Variants in TBC1D5 observed in about 807,000 individuals in gnomAD.
TBC1D5 encodes the protein TBC1 domain family, member 5.
A neutral mutation model predicts 100.3 loss-of-function variants in TBC1D5; 75 were observed. The observed-to-expected ratio is 0.75, with a 90% CI of 0.62 to 0.91. TBC1D5 has a LOEUF of 0.91. TBC1D5 is among the 40% of genes least tolerant of loss of function. The pLI is 0.00. For missense variants in TBC1D5, 910 were observed against 942.4 expected (o/e 0.97, Z 0.45); for synonymous variants, 323 against 325.6 (o/e 0.99, Z 0.09).
chr3:17,161,458 GC>G (rs2066045799), intron 21 of TBC1D5, among the ~76,000 whole-genome samples: 1 of 152,226 alleles, frequency 6.6e-6, no homozygotes, highest in Non-Finnish European at 1.5e-5. Flanking sequence ...CATCTTGTGA[GC>G]CCCTCTGAAG....
At chr3:17,706,207 C>T (rs1032827559) in intron 1 of TBC1D5, 4 of 1,551,090 alleles carry the variant, frequency 2.6e-6, no homozygotes, top group East Asian at 2.4e-5. Flanking sequence ...GGCATCGCGG[C>T]GAGGCCCAGG....
intron 12 of TBC1D5, among the ~76,000 whole-genome samples, chr3:17,373,143 T>C (rs775082325): frequency 2.6e-5 from 4 of 152,190 alleles, no homozygotes; most frequent in Admixed American, 6.5e-5. Flanking sequence ...CATTTAAAAA[T>C]GTTAAAAACC....
At chr3:17,399,434 G>T (rs1420256728) in intron 8 of TBC1D5, among the ~76,000 whole-genome samples, 2 of 152,168 alleles carry the variant, frequency 1.3e-5, no homozygotes, top group Non-Finnish European at 2.9e-5. Context: ...TACACATAAT[G>T]ATCCCCTAAT....
At chr3:17,719,009 C>T (rs2075470119) in intron 1 of TBC1D5, among the ~76,000 whole-genome samples, 1 of 152,116 alleles carries the variant, frequency 6.6e-6, no homozygotes, top group African/African-American at 2.4e-5. Flanking sequence ...TCAATAATTC[C>T]TTGGTATCAT....
chr3:17,613,064 T>C (rs1577020017), intron 2 of TBC1D5, among the ~76,000 whole-genome samples: 1 of 152,080 alleles, frequency 6.6e-6, no homozygotes, highest in South Asian at 2.1e-4. Context: ...GACCCCGGTG[T>C]GTGATGTTCC....
At chr3:17,222,930 C>A (rs183749753) in intron 17 of TBC1D5, among the ~76,000 whole-genome samples, 93 of 152,046 alleles carry the variant, frequency 6.1e-4, no homozygotes, top group African/African-American at 2.1e-3. Flanking sequence ...AAAAAGTTAG[C>A]ATTTTGGGGA....
intron 13 of TBC1D5, among the ~76,000 whole-genome samples, chr3:17,358,552 T>C (rs906917603): frequency 6.6e-6 from 1 of 152,084 alleles, no homozygotes; most frequent in Non-Finnish European, 1.5e-5. Flanking sequence ...AGGTCAGAGG[T>C]TCTCTTTAAT....
intron 19 of TBC1D5, among the ~76,000 whole-genome samples, chr3:17,172,886 G>A (rs1181809830): frequency 6.6e-6 from 1 of 152,214 alleles, no homozygotes; most frequent in Non-Finnish European, 1.5e-5. Context: ...GTGTTAGTGA[G>A]TAGAAAGGGG....
intron 15 of TBC1D5, among the ~76,000 whole-genome samples, chr3:17,265,645 T>C (rs1389247137): frequency 1.3e-5 from 2 of 152,126 alleles, no homozygotes; most frequent in Admixed American, 6.5e-5. Flanking sequence ...TATGCAAACA[T>C]ATGTTGCAGG....
intron 17 of TBC1D5, among the ~76,000 whole-genome samples, chr3:17,221,870 T>C (rs548172465): frequency 1.1e-4 from 17 of 152,220 alleles, no homozygotes; most frequent in Non-Finnish European, 2.2e-4. Flanking sequence ...TTTGTGATAA[T>C]TTTTAAGTCA....
intron 8 of TBC1D5, among the ~76,000 whole-genome samples, chr3:17,399,418 G>GA (rs2093592150): frequency 6.6e-6 from 1 of 152,072 alleles, no homozygotes; most frequent in Non-Finnish European, 1.5e-5. Context: ...ATGAATGTGA[G>GA]AAAACTACAC....
At chr3:17,428,405 G>C (rs1379052117) in intron 4 of TBC1D5, 45 bp downstream of exon 4, 4 of 495,570 alleles carry the variant, frequency 8.1e-6, no homozygotes, top group Non-Finnish European at 9.0e-6. Context: ...ATGTGTGTGT[G>C]TGTGTGTATA....
At chr3:17,680,248 T>A (rs1337391184) in intron 1 of TBC1D5, among the ~76,000 whole-genome samples, 3 of 150,692 alleles carry the variant, frequency 2.0e-5, no homozygotes, top group South Asian at 2.1e-4. Context: ...TTTTTTTTTT[T>A]AAAGACAGGG....
intron 1 of TBC1D5, among the ~76,000 whole-genome samples, chr3:17,676,382 G>A (rs922140431): frequency 6.6e-5 from 10 of 152,030 alleles, no homozygotes; most frequent in African/African-American, 1.4e-4. Flanking sequence ...GCCAAATCAC[G>A]AGTGAACTCC....
chr3:17,456,033 A>G (rs144817240), intron 3 of TBC1D5, among the ~76,000 whole-genome samples: 1 of 152,318 alleles, frequency 6.6e-6, no homozygotes, highest in Non-Finnish European at 1.5e-5. Flanking sequence ...AGGTGCCACT[A>G]ACATACATCA....
At chr3:17,416,716 C>T (rs978997080) in intron 4 of TBC1D5, among the ~76,000 whole-genome samples, 1 of 152,090 alleles carries the variant, frequency 6.6e-6, no homozygotes, top group South Asian at 2.1e-4. Context: ...CATTGACTCT[C>T]CCTGTGGTTT....
intron 16 of TBC1D5, among the ~76,000 whole-genome samples, chr3:17,258,303 T>C (rs950585539): frequency 1.3e-5 from 2 of 152,194 alleles, no homozygotes; most frequent in South Asian, 2.1e-4. Flanking sequence ...AGTACTCTTA[T>C]ATTTATTTTT....
intron 3 of TBC1D5, among the ~76,000 whole-genome samples, chr3:17,452,863 A>C (rs1054701497): frequency 1.3e-5 from 2 of 152,118 alleles, no homozygotes; most frequent in African/African-American, 4.8e-5. Context: ...CAGAATACAC[A>C]TTCTTTGCCT....
At chr3:17,713,620 A>G (rs566810161) in intron 1 of TBC1D5, among the ~76,000 whole-genome samples, 10 of 152,198 alleles carry the variant, frequency 6.6e-5, no homozygotes, top group Non-Finnish European at 1.2e-4. Flanking sequence ...ATGGGGGAAA[A>G]ATGTTTCTAA....
Sources: allele counts gnomAD v4.1 joint callset (sites outside exome capture counted in the v4.1 genomes callset), GRCh38; gene constraint gnomAD v4.1.1; transcripts MANE v1.5; gene names NCBI Gene and HGNC (gene_info 2026-07-23, HGNC 2026-07-21).